Variants in KIF3A observed in about 807,000 individuals in gnomAD.
KIF3A encodes kinesin-like protein KIF3A.
Under a neutral mutation model 92.6 loss-of-function variants are expected in KIF3A, and 27 were observed. That is an observed-to-expected ratio of 0.29 (90% confidence interval 0.21 to 0.40). The LOEUF is 0.40. Ranked by LOEUF, KIF3A falls within the 10% of genes least tolerant of loss-of-function variation. KIF3A has a pLI of 1.00. For missense variants in KIF3A, 581 were observed against 872.6 expected, an observed-to-expected ratio of 0.67 and a Z score of 4.21; for synonymous variants, 250 against 275.4, an observed-to-expected ratio of 0.91 and a Z score of 0.92.
intron 7 of KIF3A, 144 bp downstream of exon 7, chr5:132,716,101 A>C (rs1454200982): frequency 1.2e-6 from 1 of 833,822 alleles, no homozygotes; most frequent in African/African-American, 1.7e-5. Flanking sequence ...ATGGGCTAAT[A>C]CACGAGTGTA....
rs192358034 is a variant in KIF3A, at chr5:132,732,782, G to A, written c.280+1423C>T. Reference sequence around the variant, plus strand: ...AAATTAGCTGGGTGTGTTGGCGGGCGCCTGTAGTCCCAGCTACTCAGGAGG... The same window carrying A: ...AAATTAGCTGGGTGTGTTGGCGGGCACCTGTAGTCCCAGCTACTCAGGAGG... On this transcript the variant is annotated intron_variant, in intron 2 of 18. Coordinates refer to ENST00000403231, the MANE Select transcript of KIF3A (RefSeq NM_001300791.2). Among the ~76,000 whole-genome samples the A allele has an allele frequency of 7.6e-3, 1,151 of 152,202 alleles. 6 individuals are homozygous for A. Among genetic ancestry groups the A allele is most frequent in the African/African-American group, 0.016 (659 of 41,512 alleles).
intron 9 of KIF3A, among the ~76,000 whole-genome samples, 178 bp downstream of exon 9, chr5:132,710,781 C>A (rs1278612637): frequency 1.3e-5 from 2 of 152,128 alleles, no homozygotes; most frequent in Non-Finnish European, 2.9e-5. Flanking sequence ...TCAAAGTCAG[C>A]TATAAACGGA....
chr5:132,710,897 G>A, intron 9 of KIF3A, 62 bp downstream of exon 9: 1 of 1,604,742 alleles, frequency 6.2e-7, no homozygotes, highest in Non-Finnish European at 8.5e-7. Flanking sequence ...TAAAAGTCAT[G>A]CACTCTACCA....
chr5:132,708,914 G>C lies in KIF3A; in HGVS notation c.1293C>G (p.Phe431Leu). Reference protein sequence around the residue: ...CSVIEKPLDKFLPNQAGKKKV... With the variant: ...CSVIEKPLDKLLPNQAGKKKV... ...GTAAGAGCTACCACTCACTAGGCAA[G>C]AACTTATCCAGAGGTTTCTCTATGA... Residue 431 changes from phenylalanine to leucine, a missense_variant, in exon 10 of 19, where the codon TTC becomes TTG. Phe to Leu is a conservative substitution (Grantham distance 22, BLOSUM62 0). Around this residue, in one of 5 missense-constraint regions of KIF3A, gnomAD observed 167 missense variants for 205.8 expected, o/e 0.81. Coordinates refer to ENST00000403231, the MANE Select transcript of KIF3A (RefSeq NM_001300791.2). 6.5e-7 allele frequency: 1 copy of C among 1,548,920 alleles called. No homozygotes were observed. Among genetic ancestry groups the C allele is most frequent in the Non-Finnish European group, 8.7e-7 (1 of 1,145,578 alleles).
chr5:132,717,079 C>A, intron 5 of KIF3A, 95 bp from the exon 6 acceptor site: 2 of 1,239,022 alleles, frequency 1.6e-6, no homozygotes, highest in Non-Finnish European at 1.1e-6. Context: ...TTAATTTTAT[C>A]ACAATCAAAA....
chr5:132,698,692 A>G (rs1020382823), intron 18 of KIF3A, among the ~76,000 whole-genome samples: 2 of 150,906 alleles, frequency 1.3e-5, no homozygotes, highest in African/African-American at 4.9e-5. Flanking sequence ...CTTTGGCCAG[A>G]TTTTATTTAC....
At chr5:132,724,807 A>AAAAAAAT (rs1554107349) in intron 4 of KIF3A, among the ~76,000 whole-genome samples, 330 of 29,948 alleles carry the variant, frequency 0.011, 6 homozygotes, top group Non-Finnish European at 0.016. Flanking sequence ...AAAAAAAAAA[A>AAAAAAAT]TATATATATA....
chr5:132,700,253 C>T lies in KIF3A; in HGVS notation c.1970G>A (p.Arg657Lys), dbSNP rs750608452. 9.4e-6 allele frequency: 15 copies of T among 1,599,460 alleles called. No individual in the cohort carries two copies. The highest frequency in any genetic ancestry group is 5.0e-5 in the Admixed American group (3 of 59,680). Residue 657 changes from arginine (R) to lysine (K), a missense_variant, in exon 17 of 19, where the codon AGG becomes AAG. Arg to Lys is a conservative substitution (Grantham distance 26). Transcript: ENST00000403231. The stretch of plus-strand genomic sequence containing the variant: ...TTTATCAGGTACTGGGGTTTGCTTC[C>T]TCATGTTATTTCCTGTATAAGCAAC... The part of the protein sequence containing the change: ...KCVAYTGNNM[R>K]KQTPVPDKKE...
intron 4 of KIF3A, among the ~76,000 whole-genome samples, chr5:132,721,042 T>G (rs1036887745): frequency 8.5e-5 from 13 of 152,212 alleles, no homozygotes; most frequent in African/African-American, 2.6e-4. Flanking sequence ...GTTAGTCAGT[T>G]GAGGTAGGAG....
chr5:132,710,826 T>C (rs1753395651), intron 9 of KIF3A, 133 bp downstream of exon 9: 1 of 1,214,000 alleles, frequency 8.2e-7, no homozygotes, highest in East Asian at 2.5e-5. Context: ...GTTAACCAGG[T>C]AAATGGCATA....
chr5:132,713,823 C>T (rs1180846818), intron 8 of KIF3A, among the ~76,000 whole-genome samples: 3 of 151,746 alleles, frequency 2.0e-5, no homozygotes, highest in Non-Finnish European at 4.4e-5. Flanking sequence ...ACACGGATGA[C>T]CCTTGAAGGC....
chr5:132,719,580 C>T (rs1428888171), intron 5 of KIF3A, among the ~76,000 whole-genome samples: 6 of 151,858 alleles, frequency 4.0e-5, no homozygotes, highest in African/African-American at 1.5e-4. Flanking sequence ...CAACTTCTGC[C>T]TTCCTGGTTA....
At chr5:132,691,479 G>A (rs182925609), downstream of KIF3A, among the ~76,000 whole-genome samples, 30 of 151,940 alleles carry the variant, frequency 2.0e-4, no homozygotes, top group Middle Eastern at 3.4e-3. Context: ...CTTGGGGGGC[G>A]GAGATTGCAG....
chr5:132,733,525 T>C (rs912056046), intron 2 of KIF3A, among the ~76,000 whole-genome samples: 3 of 152,228 alleles, frequency 2.0e-5, no homozygotes, highest in African/African-American at 4.8e-5. Flanking sequence ...TCCCAGGGCT[T>C]TGAAAGGCCT....
intron 12 of KIF3A, 23 bp from the exon 13 acceptor site, chr5:132,703,088 T>C (rs1484823822): frequency 6.4e-7 from 1 of 1,561,992 alleles, no homozygotes; most frequent in Admixed American, 2.0e-5. Flanking sequence ...ATGAGAATAC[T>C]CTATATTCAC....
At chr5:132,722,205 CA>C (rs1284441583) in intron 4 of KIF3A, among the ~76,000 whole-genome samples, 18 of 151,912 alleles carry the variant, frequency 1.2e-4, no homozygotes, top group Admixed American at 3.3e-4. Context: ...GCTATTAATT[CA>C]AAATTCAATT....
At position 132,731,361 on chromosome 5, in the gene KIF3A, C is replaced by G. The variant is rs546255192; in HGVS notation, c.280+2844G>C. ...GCTAGTTTCACATTCAAAAATCAAT[C>G]AATGTAATTGACCATATTAACAAAC... On this transcript the variant is annotated intron_variant, in intron 2 of 18. Coordinates refer to ENST00000403231, the MANE Select transcript of KIF3A (RefSeq NM_001300791.2). Among the ~76,000 whole-genome samples, 8 of 152,102 alleles carry G rather than the reference C, an allele frequency of 5.3e-5. No homozygotes were observed. The South Asian group carries it at 1.7e-3, about 32-fold the overall frequency.
chr5:132,724,852 TATATTAAA>T (rs1418260497), intron 4 of KIF3A, among the ~76,000 whole-genome samples: 30 of 27,064 alleles, frequency 1.1e-3, no homozygotes, highest in African/African-American at 2.1e-3. Context: ...TATATATATA[TATATTAAA>T]AAATCATTCT....
At chr5:132,702,512 A>C (rs776623960) in intron 14 of KIF3A, 46 bp downstream of exon 14, 2 of 1,112,618 alleles carry the variant, frequency 1.8e-6, no homozygotes, top group Admixed American at 2.3e-5. Flanking sequence ...ACTCCCTTTT[A>C]AAAAATCCAG....
Sources: allele counts gnomAD v4.1 joint callset (sites outside exome capture counted in the v4.1 genomes callset), GRCh38; gene constraint gnomAD v4.1.1; regional missense constraint gnomAD v4.1.1; transcripts MANE v1.5; gene names NCBI Gene and HGNC (gene_info 2026-07-23, HGNC 2026-07-21).